The following HDAC1 variants were observed in gnomAD, a reference collection of about 807,000 sequenced individuals.
The protein encoded by HDAC1 is protein deacetylase HDAC1.
In HDAC1, 18 loss-of-function variants were observed where a neutral mutation model predicts 65.5. That is an observed-to-expected ratio of 0.27 (90% CI 0.19 to 0.41). HDAC1 has a LOEUF of 0.41. HDAC1 is among the 10% of genes least tolerant of loss of function. HDAC1 has a pLI of 1.00. For missense variants in HDAC1, 373 were observed against 625.2 expected, an observed-to-expected ratio of 0.60 and a Z score of 4.30; for synonymous variants, 211 against 227.9, an observed-to-expected ratio of 0.93 and a Z score of 0.67.
At chr1:32,328,404 CGCCTCCA>C (rs1641248229) in intron 6 of HDAC1, among the ~76,000 whole-genome samples, 1 of 152,072 alleles carries the variant, frequency 6.6e-6, no homozygotes, top group Non-Finnish European at 1.5e-5. Context: ...CTCCGCCTCC[CGCCTCCA>C]GGCGATCTTG....
At chr1:32,314,414 A>T (rs891295794) in intron 2 of HDAC1, among the ~76,000 whole-genome samples, 22 of 152,038 alleles carry the variant, frequency 1.4e-4, no homozygotes, top group Admixed American at 6.6e-4. Context: ...GCTGGTCTCA[A>T]ACTCCTGGGT....
Position 32,331,769 on chromosome 1 carries a change from C to T in HDAC1, c.1182C>T (p.Gly394=), listed in dbSNP as rs747885612. The change falls in exon 11 of 14, where the codon GGC becomes GGT. Residue 394 remains glycine, a synonymous_variant. Transcript: ENST00000373548. This position sits in a 1 kb window ranked among gnomAD's most constrained non-coding sequence, Gnocchi z 4.2. ...IPEDAIPEES[G]DEDEDDPDKR... Reference sequence around the variant, plus strand: ...AGGACGCCATCCCTGAGGAGAGTGGCGATGAGGACGAAGACGACCCTGACA... The same window carrying T: ...AGGACGCCATCCCTGAGGAGAGTGGTGATGAGGACGAAGACGACCCTGACA... The T allele has an allele frequency of 9.5e-5, 154 of 1,613,784 alleles. No homozygotes were observed. Among genetic ancestry groups the T allele is most frequent in the Middle Eastern group, 1.6e-4 (1 of 6,084 alleles).
At chr1:32,321,807 G>A (rs1298252360) in intron 3 of HDAC1, among the ~76,000 whole-genome samples, 4 of 151,916 alleles carry the variant, frequency 2.6e-5, no homozygotes, top group Admixed American at 2.6e-4. Context: ...TATAAACAAA[G>A]CTTTGGAAAC....
chr1:32,309,624 T>C (rs989353974), intron 2 of HDAC1, among the ~76,000 whole-genome samples: 8 of 150,204 alleles, frequency 5.3e-5, no homozygotes, highest in Non-Finnish European at 1.2e-4. Context: ...GTGGCGGAGA[T>C]TGCAGTGAGC....
chr1:32,302,441 G>A lies in HDAC1; in HGVS notation c.50-180G>A, dbSNP rs556158992. On this transcript the variant is annotated intron_variant, in intron 1 of 13. Transcript: ENST00000373548. ...GAACCTTAAATGTTCACCTCACCAG[G>A]GTCCCTGCTTTTTTTTTTTTTTTTC... Among the ~76,000 whole-genome samples, 35 of 151,852 alleles carry A rather than the reference G, an allele frequency of 2.3e-4. No individual in the cohort carries two copies. The South Asian group carries it at 3.3e-3, about 14-fold the overall frequency.
At chr1:32,314,527 T>C (rs1355038773) in intron 2 of HDAC1, among the ~76,000 whole-genome samples, 4 of 152,088 alleles carry the variant, frequency 2.6e-5, no homozygotes, top group Non-Finnish European at 5.9e-5. Flanking sequence ...TAAATATTTC[T>C]TAAATATAGA....
chr1:32,324,489 T>C lies in HDAC1; in HGVS notation c.291T>C (p.Gly97=). 1 of 1,611,502 alleles carries C rather than the reference T, an allele frequency of 6.2e-7. No individual in the cohort carries two copies. The highest frequency in any genetic ancestry group is 8.5e-7 in the Non-Finnish European group (1 of 1,177,632). The stretch of plus-strand genomic sequence containing the variant: ...CTTATTTCTTTCAAGTCAACGTTGG[T>C]GAGGACTGTCCAGTATTCGATGGCC... ...YSKQMQRFNV[G]EDCPVFDGLF... The change falls in exon 4 of 14, where the codon GGT becomes GGC. Residue 97 remains glycine, a synonymous_variant. Coordinates refer to ENST00000373548, the MANE Select transcript of HDAC1 (RefSeq NM_004964.3).
intron 2 of HDAC1, among the ~76,000 whole-genome samples, chr1:32,306,823 A>T (rs138137602): frequency 6.6e-6 from 1 of 152,126 alleles, no homozygotes; most frequent in Admixed American, 6.6e-5. Flanking sequence ...TATCCTATAT[A>T]TGTTATATTT....
At chr1:32,316,554 T>A (rs1227069069) in intron 2 of HDAC1, 111 bp from the exon 3 acceptor site, 1 of 673,700 alleles carries the variant, frequency 1.5e-6, no homozygotes, top group Non-Finnish European at 2.7e-6. Context: ...TTCTTTTTAT[T>A]CTTTATAGCA....
At chr1:32,309,781 C>T (rs563229363) in intron 2 of HDAC1, among the ~76,000 whole-genome samples, 19 of 151,990 alleles carry the variant, frequency 1.3e-4, no homozygotes, top group Admixed American at 1.1e-3. Context: ...GCCTCAAACT[C>T]CTGTCTGTGC....
intron 1 of HDAC1, among the ~76,000 whole-genome samples, chr1:32,296,420 A>T (rs1307930197): frequency 6.6e-6 from 1 of 152,164 alleles, no homozygotes; most frequent in Non-Finnish European, 1.5e-5. Flanking sequence ...GCTGGAGTGC[A>T]GTGGCATGAT....
chr1:32,320,955 C>G (rs377082436), intron 3 of HDAC1, among the ~76,000 whole-genome samples: 2 of 137,686 alleles, frequency 1.5e-5, no homozygotes, highest in Non-Finnish European at 1.6e-5. Flanking sequence ...TTTAGACACA[C>G]ACAAAAAGCA....
intron 1 of HDAC1, 76 bp downstream of exon 1, chr1:32,292,294 C>T: frequency 3.9e-6 from 6 of 1,540,042 alleles, no homozygotes; most frequent in Admixed American, 2.0e-5. Context: ...GCTGGAGCGC[C>T]GATGGGAGGC....
chr1:32,319,213 T>G lies in HDAC1; in HGVS notation c.280+2431T>G, dbSNP rs1484449304. 2.6e-5 allele frequency among the ~76,000 whole-genome samples: 4 copies of G among 152,224 alleles called. No homozygotes were observed. In the East Asian group the frequency reaches 7.7e-4, roughly 29 times the overall value. On this transcript the variant is annotated intron_variant, in intron 3 of 13. Coordinates refer to ENST00000373548, the MANE Select transcript of HDAC1 (RefSeq NM_004964.3). ...TGAGCCCAGGAGTTCAAGGCCAGTC[T>G]GGGTAATATAGTGAGACCTGGTCTC...
At chr1:32,320,899 C>CAAAAAAAAAAAAAAAAA (rs1160071616) in intron 3 of HDAC1, among the ~76,000 whole-genome samples, 6 of 23,380 alleles carry the variant, frequency 2.6e-4, no homozygotes, top group Non-Finnish European at 4.8e-4. Flanking sequence ...GACTCCATCT[C>CAAAAAAAAAAAAAAAAA]AAAAAAAAAA....
chr1:32,318,116 C>T (rs1016198917), intron 3 of HDAC1, among the ~76,000 whole-genome samples: 9 of 152,196 alleles, frequency 5.9e-5, no homozygotes, highest in Non-Finnish European at 8.8e-5. Flanking sequence ...TGTGCCACCA[C>T]GCCCGGCTAA....
intron 3 of HDAC1, among the ~76,000 whole-genome samples, chr1:32,322,325 G>A (rs908499907): frequency 6.6e-6 from 1 of 151,268 alleles, no homozygotes; most frequent in Admixed American, 6.6e-5. Context: ...CACCCAGGCT[G>A]GAATGCAGGG....
chr1:32,329,298 T>C lies in HDAC1; in HGVS notation c.729+138T>C. The C allele has an allele frequency of 1.5e-6, 1 of 685,506 alleles. No individual in the cohort carries two copies. The allele number at this position is 685,506 out of a possible 1,614,324, so 42.5% of individuals were successfully genotyped here. ...GAGATAGAAGTGTTTGAACCCTGGA[T>C]TGCTGTGTGGTCAGTTAGGGGAACA... is the stretch of plus-strand genomic sequence containing the variant. On this transcript the variant is annotated intron_variant, in intron 7 of 13. Transcript: ENST00000373548. The surrounding 1 kb of genome is among the most constrained non-coding windows in gnomAD (Gnocchi z 4.1).
chr1:32,314,023 T>C (rs1262431518), intron 2 of HDAC1, among the ~76,000 whole-genome samples: 1 of 152,202 alleles, frequency 6.6e-6, no homozygotes, highest in Admixed American at 6.5e-5. Context: ...AAAGATGTGA[T>C]ACAGAAACAC....
Sources: gnomAD v4.1 joint callset for allele counts (sites outside exome capture counted in the v4.1 genomes callset) on GRCh38, gnomAD v4.1.1 for gene constraint, Gnocchi (gnomAD v3.1) non-coding constraint, MANE v1.5 for transcripts, NCBI Gene and HGNC (gene_info 2026-07-23, HGNC 2026-07-21) for gene names.